Variants in OXR1 observed in about 807,000 individuals in gnomAD.
OXR1 encodes oxidation resistance 1.
Under a neutral mutation model 104.6 loss-of-function variants are expected in OXR1, and 41 were observed. The observed-to-expected ratio is 0.39, with a 90% CI of 0.31 to 0.51. The LOEUF is 0.51. OXR1 is among the 20% of genes least tolerant of loss of function. OXR1 has a pLI of 0.77. For missense variants in OXR1, 955 were observed against 1,031.9 expected (o/e 0.93, Z 1.02); for synonymous variants, 348 against 348.4 (o/e 1.00, Z 0.01).
At chr8:106,296,381 G>A (rs1229198581) in intron 1 of OXR1, among the ~76,000 whole-genome samples, 1 of 152,104 alleles carries the variant, frequency 6.6e-6, no homozygotes, top group African/African-American at 2.4e-5. Flanking sequence ...AATGATATTA[G>A]TAATATGTAT....
At chr8:106,532,163 A>G (rs1455504379) in intron 3 of OXR1, among the ~76,000 whole-genome samples, 1 of 152,212 alleles carries the variant, frequency 6.6e-6, no homozygotes, top group Admixed American at 6.5e-5. Flanking sequence ...GCGTCTTAGG[A>G]ACTTGTGAAG....
intron 16 of OXR1, among the ~76,000 whole-genome samples, chr8:106,749,896 C>A (rs924601654): frequency 6.6e-6 from 1 of 152,048 alleles, no homozygotes; most frequent in African/African-American, 2.4e-5. Context: ...ACCTTATAAT[C>A]TATCTGTTAA....
intron 1 of OXR1, among the ~76,000 whole-genome samples, chr8:106,300,674 T>A (rs1813197297): frequency 6.6e-6 from 1 of 152,150 alleles, no homozygotes; most frequent in Non-Finnish European, 1.5e-5. Flanking sequence ...TGTACAGACA[T>A]TTCAGAAACA....
At chr8:106,411,950 A>T (rs911418193) in intron 2 of OXR1, among the ~76,000 whole-genome samples, 1 of 152,150 alleles carries the variant, frequency 6.6e-6, no homozygotes, top group African/African-American at 2.4e-5. Context: ...TCTGTTTCTC[A>T]TAAGCACTGT....
At chr8:106,403,374 G>A (rs1352373910) in intron 2 of OXR1, among the ~76,000 whole-genome samples, 2 of 152,194 alleles carry the variant, frequency 1.3e-5, no homozygotes, top group African/African-American at 2.4e-5. Context: ...CTGCCACTTG[G>A]CCTCTGCCAC....
At chr8:106,277,268 C>T (rs1241228985) in intron 1 of OXR1, among the ~76,000 whole-genome samples, 2 of 152,216 alleles carry the variant, frequency 1.3e-5, no homozygotes, top group East Asian at 1.9e-4. Flanking sequence ...CTCTGTTCCT[C>T]AGTTATTAGC....
intron 9 of OXR1, 195 bp downstream of exon 9, chr8:106,707,340 T>A (rs1831244732): frequency 1.5e-6 from 1 of 665,736 alleles, no homozygotes; most frequent in Admixed American, 2.7e-5. Flanking sequence ...AGGTGGATTG[T>A]ACACATAATG....
chr8:106,534,149 C>T (rs35106060), intron 3 of OXR1, among the ~76,000 whole-genome samples: 58,665 of 151,934 alleles, frequency 0.39, 12,948 homozygotes, highest in Non-Finnish European at 0.48. Context: ...AGATCTGGGG[C>T]GGGGCCTACA....
chr8:106,654,659 A>G (rs1824904066), intron 3 of OXR1, among the ~76,000 whole-genome samples: 1 of 152,244 alleles, frequency 6.6e-6, no homozygotes, highest in South Asian at 2.1e-4. Context: ...AAAACATAAT[A>G]GTTAATCTTC....
At chr8:106,327,428 A>T (rs1416769016) in intron 1 of OXR1, among the ~76,000 whole-genome samples, 1 of 152,128 alleles carries the variant, frequency 6.6e-6, no homozygotes, top group Non-Finnish European at 1.5e-5. Flanking sequence ...TACCATGCTA[A>T]TTTCCTTTCT....
chr8:106,586,043 A>T (rs975837140), intron 3 of OXR1, among the ~76,000 whole-genome samples: 1 of 152,178 alleles, frequency 6.6e-6, no homozygotes, highest in East Asian at 1.9e-4. Context: ...ATGATAAGTG[A>T]TTAGTGATTT....
chr8:106,736,747 T>C (rs952829785), intron 11 of OXR1, among the ~76,000 whole-genome samples: 2 of 152,108 alleles, frequency 1.3e-5, no homozygotes, highest in South Asian at 2.1e-4. Flanking sequence ...TAGGCAATTA[T>C]AGAAGATAGA....
chr8:106,476,273 G>A (rs1439806757), intron 2 of OXR1, among the ~76,000 whole-genome samples: 10 of 151,828 alleles, frequency 6.6e-5, no homozygotes, highest in Non-Finnish European at 1.5e-5. Flanking sequence ...AGCATTTTCC[G>A]ATACCAAAAG....
intron 1 of OXR1, among the ~76,000 whole-genome samples, chr8:106,288,871 A>G (rs1377130806): frequency 6.6e-6 from 1 of 151,842 alleles, no homozygotes; most frequent in East Asian, 1.9e-4. Flanking sequence ...TTCACAACTC[A>G]TTCATTCATT....
At chr8:106,704,285 AAAG>A (rs1220950078) in intron 8 of OXR1, among the ~76,000 whole-genome samples, 3 of 149,872 alleles carry the variant, frequency 2.0e-5, no homozygotes, top group Non-Finnish European at 4.4e-5. Flanking sequence ...GATTACATTC[AAAG>A]AAGAGGAAGG....
At chr8:106,463,666 C>T (rs1821025282) in intron 2 of OXR1, among the ~76,000 whole-genome samples, 1 of 152,080 alleles carries the variant, frequency 6.6e-6, no homozygotes, top group African/African-American at 2.4e-5. Context: ...TGATTCAAAT[C>T]CTAGTTTAGC....
At chr8:106,421,837 A>G (rs1305787777) in intron 2 of OXR1, among the ~76,000 whole-genome samples, 1 of 152,222 alleles carries the variant, frequency 6.6e-6, no homozygotes, top group Non-Finnish European at 1.5e-5. Context: ...ATCAATCTAC[A>G]GCAATAAGAA....
At chr8:106,514,875 C>A (rs78825710) in intron 2 of OXR1, among the ~76,000 whole-genome samples, 1,967 of 152,132 alleles carry the variant, frequency 0.013, 32 homozygotes, top group East Asian at 0.082. Context: ...AACAAAAGAG[C>A]AGCTGGCTTT....
At chr8:106,470,350 T>G (rs1448858980) in intron 2 of OXR1, among the ~76,000 whole-genome samples, 1 of 151,832 alleles carries the variant, frequency 6.6e-6, no homozygotes, top group Admixed American at 6.6e-5. Context: ...TTCCGTATTT[T>G]GAATGTAGAG....
Sources: gnomAD v4.1 joint callset for allele counts (sites outside exome capture counted in the v4.1 genomes callset) on GRCh38, gnomAD v4.1.1 for gene constraint, MANE v1.5 for transcripts, NCBI Gene and HGNC (gene_info 2026-07-23, HGNC 2026-07-21) for gene names.